MSRB3: variants seen among roughly 807,000 people sequenced by gnomAD.
MSRB3 encodes methionine sulfoxide reductase B3.
Under a neutral mutation model 21.0 loss-of-function variants are expected in MSRB3, and 13 were observed. The observed-to-expected ratio is 0.62, with a 90% CI of 0.40 to 0.98. MSRB3 has a LOEUF of 0.98. Ranked by LOEUF, MSRB3 falls within the 50% of genes least tolerant of loss-of-function variation. The pLI, the probability that MSRB3 is intolerant of heterozygous loss-of-function variation, is 0.00. For synonymous variants in MSRB3, 87 were observed against 88.6 expected (o/e 0.98, Z 0.10); for missense variants, 199 against 230.3 (o/e 0.86, Z 0.88).
At chr12:65,402,497 C>T (rs1222379894) in intron 5 of MSRB3, among the ~76,000 whole-genome samples, 1 of 152,254 alleles carries the variant, frequency 6.6e-6, no homozygotes, top group East Asian at 1.9e-4. Flanking sequence ...ACTGGTTATT[C>T]TAGTTAGCAT....
chr12:65,380,341 C>G (rs2136556654), intron 5 of MSRB3, among the ~76,000 whole-genome samples: 1 of 152,182 alleles, frequency 6.6e-6, no homozygotes. Flanking sequence ...CAGGCTTGGC[C>G]AAGGCAGTTG....
At chr12:65,346,218 C>G (rs1876493833) in intron 4 of MSRB3, among the ~76,000 whole-genome samples, 1 of 152,174 alleles carries the variant, frequency 6.6e-6, no homozygotes, top group Non-Finnish European at 1.5e-5. Context: ...AAAAGTGTTC[C>G]TATTTCTCCA....
chr12:65,427,039 A>G (rs1325645223), intron 5 of MSRB3, among the ~76,000 whole-genome samples: 2 of 152,108 alleles, frequency 1.3e-5, no homozygotes, highest in African/African-American at 2.4e-5. Context: ...GCATATCTCC[A>G]TTTCTTTAGG....
intron 4 of MSRB3, among the ~76,000 whole-genome samples, chr12:65,350,017 T>A (rs1876829198): frequency 6.6e-6 from 1 of 151,034 alleles, no homozygotes; most frequent in African/African-American, 2.5e-5. Flanking sequence ...TGCCTAGGTT[T>A]TCTTCTAGGG....
In MSRB3 at chr12:65,443,342, G is replaced by A. The variant is rs185180474; in HGVS notation, c.293-10386G>A. 3.0e-3 allele frequency among the ~76,000 whole-genome samples: 461 copies of A among 152,136 alleles called. 4 individuals are homozygous for A. The highest frequency in any genetic ancestry group is 0.014 in the Middle Eastern group (4 of 294). On this transcript the variant is annotated intron_variant, in intron 5 of 6. Coordinates refer to ENST00000308259, the MANE Select transcript of MSRB3 (RefSeq NM_001031679.3). ...TGATTATGGGTGATAAGGCTACACC[G>A]TTTGTACATCTGAACTTGTTAATAA...
chr12:65,338,374 G>C (rs1875921173), intron 4 of MSRB3, among the ~76,000 whole-genome samples: 1 of 152,180 alleles, frequency 6.6e-6, no homozygotes, highest in Non-Finnish European at 1.5e-5. Flanking sequence ...AAATAATTGG[G>C]AAGTGGTGAA....
At chr12:65,352,588 C>A (rs1877088778) in intron 4 of MSRB3, among the ~76,000 whole-genome samples, 1 of 151,898 alleles carries the variant, frequency 6.6e-6, no homozygotes, top group African/African-American at 2.4e-5. Flanking sequence ...CCAAAATCTC[C>A]TTAAGCTGAT....
chr12:65,339,372 A>C (rs565888160), intron 4 of MSRB3, among the ~76,000 whole-genome samples: 1 of 152,366 alleles, frequency 6.6e-6, no homozygotes, highest in Non-Finnish European at 1.5e-5. Flanking sequence ...CTTGTTGAGA[A>C]CAGCTGATCT....
chr12:65,354,335 C>T (rs566940678), intron 4 of MSRB3, among the ~76,000 whole-genome samples: 5 of 152,010 alleles, frequency 3.3e-5, no homozygotes, highest in African/African-American at 1.2e-4. Context: ...CAACTTGGTT[C>T]CATTCTTCCC....
At chr12:65,372,148 T>G (rs1360155450) in intron 5 of MSRB3, among the ~76,000 whole-genome samples, 1 of 152,200 alleles carries the variant, frequency 6.6e-6, no homozygotes, top group East Asian at 1.9e-4. Context: ...ATTTTAGAAA[T>G]TTGAGTGACA....
intron 4 of MSRB3, among the ~76,000 whole-genome samples, chr12:65,337,213 C>T (rs1052153462): frequency 6.6e-5 from 10 of 151,164 alleles, no homozygotes; most frequent in Admixed American, 5.3e-4. Flanking sequence ...ACAGCACTCC[C>T]GCCTGGGCGA....
At chr12:65,327,418 TC>T (rs1875122317) in intron 3 of MSRB3, among the ~76,000 whole-genome samples, 1 of 152,256 alleles carries the variant, frequency 6.6e-6, no homozygotes. Flanking sequence ...ATTTATTGGC[TC>T]ATTTGTGGTT....
intron 5 of MSRB3, among the ~76,000 whole-genome samples, chr12:65,389,645 T>G (rs1219405087): frequency 6.6e-6 from 1 of 152,144 alleles, no homozygotes; most frequent in Non-Finnish European, 1.5e-5. Context: ...TTCTTCCCAG[T>G]CTGTTATGTA....
chr12:65,420,505 AC>A lies in MSRB3; in HGVS notation c.293-33222del, dbSNP rs1438224274. Reference sequence around the variant, plus strand: ...AAAACTTTTATTTAAGTTTGGGGGTACACTTGAAGGTTTGTTATATAGGTAA... The same window carrying A: ...AAAACTTTTATTTAAGTTTGGGGGTAACTTGAAGGTTTGTTATATAGGTAA... On this transcript the variant is annotated intron_variant, in intron 5 of 6. Transcript: ENST00000308259. Among the ~76,000 whole-genome samples, 9 of 152,048 alleles carry A rather than the reference AC, an allele frequency of 5.9e-5. No homozygotes were observed. The East Asian group carries it at 1.7e-3, about 29-fold the overall frequency.
At chr12:65,396,697 AAAAAAAAAAAGAAAGAAAGAAAG>A (rs1879808179) in intron 5 of MSRB3, among the ~76,000 whole-genome samples, 1 of 27,648 alleles carries the variant, frequency 3.6e-5, no homozygotes, top group Non-Finnish European at 8.5e-5. Context: ...ATCTCAAAAA[AAAAAAAAAAAGAAAGAAAGAAAG>A]AAAGAAAGAA....
chr12:65,300,428 G>C (rs1350762344), intron 1 of MSRB3, among the ~76,000 whole-genome samples: 1 of 152,188 alleles, frequency 6.6e-6, no homozygotes, highest in Admixed American at 6.5e-5. Flanking sequence ...TAGACTTTTG[G>C]AAGTGGTCTC....
At chr12:65,416,246 A>T (rs967341937) in intron 5 of MSRB3, among the ~76,000 whole-genome samples, 3 of 152,152 alleles carry the variant, frequency 2.0e-5, no homozygotes, top group African/African-American at 2.4e-5. Context: ...CTAGCTCCAT[A>T]TCATTCTTGC....
Position 65,464,566 on chromosome 12 carries a change from C to G in MSRB3, c.*1244C>G, listed in dbSNP as rs1288585585. The G allele has an allele frequency of 2.0e-5, 3 of 152,268 alleles. No individual in the cohort carries two copies. The highest frequency in any genetic ancestry group is 2.9e-5 in the Non-Finnish European group (2 of 68,080). The allele number at this position is 152,268 out of a possible 1,614,324, so 9.4% of individuals were successfully genotyped here. A position where few individuals can be genotyped will look rare whatever the true frequency, so the allele number is the denominator to read the frequency against. On this transcript the variant is annotated 3_prime_UTR_variant, in exon 7 of 7. Coordinates refer to ENST00000308259, the MANE Select transcript of MSRB3 (RefSeq NM_001031679.3). ...GTCCATCGCCTTTTTATAAGTCCTT[C>G]TCTCCACACCTAAAAGCAGCTGCAG...
At chr12:65,422,365 T>C (rs11836615) in intron 5 of MSRB3, among the ~76,000 whole-genome samples, 70,356 of 135,050 alleles carry the variant, frequency 0.52, 19,632 homozygotes, top group Non-Finnish European at 0.62. Flanking sequence ...AAATGTTTAA[T>C]TTTTAATTTT....
Sources: allele counts gnomAD v4.1 joint callset (sites outside exome capture counted in the v4.1 genomes callset), GRCh38; gene constraint gnomAD v4.1.1; transcripts MANE v1.5; gene names NCBI Gene and HGNC (gene_info 2026-07-23, HGNC 2026-07-21).